RGS7: variants seen among roughly 807,000 people sequenced by gnomAD.
The protein encoded by RGS7 is regulator of G protein signaling 7, also known as regulator of G-protein signaling 7.
In RGS7, 27 loss-of-function variants were observed where a neutral mutation model predicts 81.1. The observed-to-expected ratio is 0.33, with a 90% CI of 0.25 to 0.46. The LOEUF (loss-of-function observed/expected upper bound fraction) is 0.46. Among genes scored for constraint, RGS7 ranks in the 20% least tolerant of loss-of-function variants. The pLI, the probability that RGS7 is intolerant of heterozygous loss-of-function variation, is 1.00. For synonymous variants in RGS7, 208 were observed against 207.7 expected (o/e 1.00, Z -0.01); for missense variants, 396 against 607.4 (o/e 0.65, Z 3.66).
At chr1:240,779,310 C>T (rs912062057) in intron 18 of RGS7, among the ~76,000 whole-genome samples, 5 of 152,106 alleles carry the variant, frequency 3.3e-5, no homozygotes, top group Admixed American at 3.3e-4. Context: ...GCATGCACCA[C>T]CACGCCCGGC....
At chr1:241,043,879 T>A (rs1054950620) in intron 3 of RGS7, among the ~76,000 whole-genome samples, 1 of 151,752 alleles carries the variant, frequency 6.6e-6, no homozygotes, top group African/African-American at 2.4e-5. Flanking sequence ...GACTTGAGCA[T>A]CCACGGATAT....
At chr1:241,295,778 T>C (rs1332429357) in intron 2 of RGS7, among the ~76,000 whole-genome samples, 2 of 152,160 alleles carry the variant, frequency 1.3e-5, no homozygotes, top group East Asian at 1.9e-4. Context: ...TGAGTGGCTA[T>C]TGTGATAGTC....
intron 9 of RGS7, among the ~76,000 whole-genome samples, chr1:240,857,381 T>C (rs1298929750): frequency 6.6e-6 from 1 of 152,218 alleles, no homozygotes; most frequent in Non-Finnish European, 1.5e-5. Context: ...CCAATATTGA[T>C]ACATTAATAG....
chr1:241,151,885 C>T (rs578047212), intron 2 of RGS7, among the ~76,000 whole-genome samples: 1 of 152,108 alleles, frequency 6.6e-6, no homozygotes, highest in Admixed American at 6.5e-5. Flanking sequence ...ACATTGGCAC[C>T]CATCGATATC....
chr1:241,224,462 T>G (rs994260546), intron 2 of RGS7, among the ~76,000 whole-genome samples: 2 of 152,144 alleles, frequency 1.3e-5, no homozygotes, highest in Non-Finnish European at 2.9e-5. Context: ...TTCCAAGGTG[T>G]ATATGTGGTA....
chr1:241,075,355 G>C (rs549348165), intron 3 of RGS7, among the ~76,000 whole-genome samples: 1 of 152,246 alleles, frequency 6.6e-6, no homozygotes, highest in African/African-American at 2.4e-5. Flanking sequence ...AAAACCAAAA[G>C]ATTTTATACT....
intron 2 of RGS7, among the ~76,000 whole-genome samples, chr1:241,336,002 G>C (rs2082226070): frequency 6.6e-6 from 1 of 151,928 alleles, no homozygotes; most frequent in Admixed American, 6.6e-5. Context: ...GATTATGATT[G>C]CTTCTTCTTC....
chr1:240,963,510 G>C (rs1681797226), intron 4 of RGS7, among the ~76,000 whole-genome samples: 1 of 152,166 alleles, frequency 6.6e-6, no homozygotes, highest in Non-Finnish European at 1.5e-5. Flanking sequence ...ACAAAGAAGA[G>C]AGTAATGGAA....
At chr1:240,914,113 A>G (rs1038970287) in intron 6 of RGS7, among the ~76,000 whole-genome samples, 1 of 143,304 alleles carries the variant, frequency 7.0e-6, no homozygotes, top group African/African-American at 2.6e-5. Context: ...GTAAGATGTA[A>G]TGTTTTATTT....
chr1:241,013,153 C>T (rs1286113925), intron 3 of RGS7, among the ~76,000 whole-genome samples: 1 of 147,866 alleles, frequency 6.8e-6, no homozygotes, highest in Admixed American at 6.7e-5. Context: ...ACCTCCACCT[C>T]CCGGGTTCAA....
chr1:241,229,014 T>C (rs1274282124), intron 2 of RGS7, among the ~76,000 whole-genome samples: 1 of 151,482 alleles, frequency 6.6e-6, no homozygotes, highest in African/African-American at 2.4e-5. Flanking sequence ...CTCTGCACTA[T>C]TTTTGCAACT....
At chr1:240,967,329 T>C (rs1682471144) in intron 4 of RGS7, among the ~76,000 whole-genome samples, 1 of 152,142 alleles carries the variant, frequency 6.6e-6, no homozygotes, top group Non-Finnish European at 1.5e-5. Flanking sequence ...TCCTGAGACA[T>C]GAGAAGAGCC....
chr1:240,898,754 A>G (rs1329678726), intron 6 of RGS7, among the ~76,000 whole-genome samples: 3 of 152,186 alleles, frequency 2.0e-5, no homozygotes, highest in Non-Finnish European at 4.4e-5. Flanking sequence ...AAGAATGTAT[A>G]TTCTGTTGAT....
chr1:240,998,276 T>G (rs377697290), intron 3 of RGS7, among the ~76,000 whole-genome samples: 20 of 152,228 alleles, frequency 1.3e-4, no homozygotes, highest in African/African-American at 4.8e-4. Flanking sequence ...GTTTATTAAG[T>G]GGCTTGGTAT....
chr1:241,301,618 C>T (rs909446628), intron 2 of RGS7, among the ~76,000 whole-genome samples: 13 of 152,134 alleles, frequency 8.5e-5, no homozygotes, highest in African/African-American at 3.1e-4. Flanking sequence ...TTCAAAAGAA[C>T]CAGCATCCTC....
chr1:240,929,165 T>C (rs1674982829), intron 6 of RGS7, among the ~76,000 whole-genome samples: 2 of 152,204 alleles, frequency 1.3e-5, no homozygotes, highest in South Asian at 4.1e-4. Context: ...ACAGTATTTA[T>C]GTTCAGGTCT....
chr1:240,797,687 T>A (rs1687306909), intron 18 of RGS7, among the ~76,000 whole-genome samples: 1 of 152,100 alleles, frequency 6.6e-6, no homozygotes, highest in East Asian at 1.9e-4. Context: ...AAAAGTGGTG[T>A]CAGATTTGAT....
chr1:241,000,070 A>C (rs1687904463), intron 3 of RGS7, among the ~76,000 whole-genome samples: 1 of 152,138 alleles, frequency 6.6e-6, no homozygotes, highest in South Asian at 2.1e-4. Context: ...TGGCCTGGTC[A>C]CCACTGTTTG....
intron 4 of RGS7, among the ~76,000 whole-genome samples, chr1:240,937,855 C>G (rs1008660350): frequency 1.3e-5 from 2 of 152,112 alleles, no homozygotes; most frequent in African/African-American, 4.8e-5. Context: ...CTATTCTATA[C>G]AGTGTTCTAA....
Sources: gnomAD v4.1 joint callset for allele counts (sites outside exome capture counted in the v4.1 genomes callset) on GRCh38, gnomAD v4.1.1 for gene constraint, MANE v1.5 for transcripts, NCBI Gene and HGNC (gene_info 2026-07-23, HGNC 2026-07-21) for gene names.